Variants in TULP4 observed in about 807,000 individuals in gnomAD.
TULP4 encodes TUB like protein 4, also known as tubby-related protein 4.
A neutral mutation model predicts 129.0 loss-of-function variants in TULP4; 16 were observed. That is an observed-to-expected ratio of 0.12 (90% CI 0.08 to 0.19). The LOEUF (loss-of-function observed/expected upper bound fraction) is 0.19, where lower values mean the gene tolerates loss of function less well. Ranked by LOEUF, TULP4 falls within the 10% of genes least tolerant of loss-of-function variation. TULP4 has a pLI of 1.00. For synonymous variants in TULP4, 998 were observed against 854.0 expected (o/e 1.17, Z -2.94); for missense variants, 1,842 against 2,059.1 (o/e 0.89, Z 2.04).
At chr6:158,478,624 G>A (rs1368215155) in intron 6 of TULP4, among the ~76,000 whole-genome samples, 1 of 152,102 alleles carries the variant, frequency 6.6e-6, no homozygotes, top group Non-Finnish European at 1.5e-5. Flanking sequence ...CCCTCCCCTG[G>A]GGACTGTGGC....
chr6:158,351,479 TG>T lies in TULP4; in HGVS notation c.252+37212del, dbSNP rs1239068190. 2.0e-5 allele frequency among the ~76,000 whole-genome samples: 3 copies of T among 152,186 alleles called. No homozygotes were observed. The East Asian group carries it at 5.8e-4, about 29-fold the overall frequency. On this transcript the variant is annotated intron_variant, in intron 1 of 13. Transcript: ENST00000367097. ...ATAAGGCTTGTTGTTAAATTAAAAT[TG>T]TATTGCCTGTTTACAAGTGATAGTT...
intron 8 of TULP4, among the ~76,000 whole-genome samples, chr6:158,484,595 T>A (rs1435611203): frequency 6.6e-6 from 1 of 152,040 alleles, no homozygotes; most frequent in Non-Finnish European, 1.5e-5. Context: ...TATAGGTGGA[T>A]CCTGATCTGA....
intron 6 of TULP4, among the ~76,000 whole-genome samples, chr6:158,465,593 G>A (rs1779538708): frequency 6.6e-6 from 1 of 152,134 alleles, no homozygotes; most frequent in Non-Finnish European, 1.5e-5. Context: ...ATAGCAGCTT[G>A]TTAACAGAAA....
intron 1 of TULP4, among the ~76,000 whole-genome samples, chr6:158,401,859 T>G (rs1046067360): frequency 6.6e-6 from 1 of 152,108 alleles, no homozygotes; most frequent in African/African-American, 2.4e-5. Flanking sequence ...TAATTTTGAG[T>G]GATCATTGGT....
intron 1 of TULP4, among the ~76,000 whole-genome samples, chr6:158,250,244 G>T (rs971517965): frequency 1.3e-5 from 2 of 151,172 alleles, no homozygotes; most frequent in African/African-American, 2.4e-5. Context: ...TGCAGCCTCC[G>T]CCTCCCGAGT....
At chr6:158,385,100 A>G (rs756017844) in intron 1 of TULP4, among the ~76,000 whole-genome samples, 6 of 152,180 alleles carry the variant, frequency 3.9e-5, no homozygotes, top group Non-Finnish European at 7.3e-5. Flanking sequence ...GATGCCGTGA[A>G]TGTAGGTTCC....
intron 2 of TULP4, among the ~76,000 whole-genome samples, chr6:158,416,202 A>AG (rs1047249095): frequency 7.9e-5 from 12 of 152,218 alleles, no homozygotes; most frequent in East Asian, 7.7e-4. Context: ...ACCCAGATTG[A>AG]GGGGGGGTCT....
At chr6:158,382,839 A>T (rs1411135520) in intron 1 of TULP4, among the ~76,000 whole-genome samples, 1 of 152,188 alleles carries the variant, frequency 6.6e-6, no homozygotes, top group Non-Finnish European at 1.5e-5. Flanking sequence ...CATTTATTTG[A>T]GAAATTTAGT....
intron 1 of TULP4, among the ~76,000 whole-genome samples, chr6:158,408,145 A>G (rs921528085): frequency 6.6e-6 from 1 of 152,200 alleles, no homozygotes; most frequent in African/African-American, 2.4e-5. Context: ...CATTTGTGTG[A>G]CGGAGCGCAG....
At chr6:158,418,548 T>A (rs571522699) in intron 2 of TULP4, among the ~76,000 whole-genome samples, 1 of 152,130 alleles carries the variant, frequency 6.6e-6, no homozygotes, top group South Asian at 2.1e-4. Context: ...CAAGAGGATC[T>A]CTTGTGACCA....
rs35396796 is a variant in TULP4 at position 158,508,878 on chromosome 6, GTTTTTTTTTTTTTTT to G, written c.*2197_*2211del. 2.2e-4 allele frequency: 17 copies of G among 77,732 alleles called. No homozygotes were observed. Among genetic ancestry groups the G allele is most frequent in the African/African-American group, 9.6e-4 (17 of 17,720 alleles). 4.8% of individuals were successfully genotyped at this position (77,732 alleles called of 1,614,324 possible). A position where few individuals can be genotyped will look rare whatever the true frequency, so the allele number is the denominator to read the frequency against. ...AGAAATAAAGAGGATATGATAGAAGGTTTTTTTTTTTTTTTTTTTTTTTTTTTGAGACGGAGTCCC... is the reference window on the plus strand; with the variant it reads ...AGAAATAAAGAGGATATGATAGAAGGTTTTTTTTTTTTGAGACGGAGTCCC... On this transcript the variant is annotated 3_prime_UTR_variant, in exon 14 of 14. Transcript: ENST00000367097.
intron 9 of TULP4, among the ~76,000 whole-genome samples, chr6:158,492,350 A>T (rs193082239): frequency 7.9e-5 from 12 of 152,196 alleles, no homozygotes; most frequent in African/African-American, 2.7e-4. Context: ...ATGCTTATGG[A>T]TTAATTTTTG....
At chr6:158,240,594 G>A (rs1364215712) in intron 1 of TULP4, among the ~76,000 whole-genome samples, 6 of 100,056 alleles carry the variant, frequency 6.0e-5, no homozygotes, top group African/African-American at 1.3e-4. Flanking sequence ...CAGTAGGGGC[G>A]GCCGGGCAGA....
intron 5 of TULP4, among the ~76,000 whole-genome samples, chr6:158,452,750 A>C (rs546254609): frequency 1.3e-5 from 2 of 152,364 alleles, no homozygotes; most frequent in South Asian, 4.1e-4. Context: ...TTCTGCAATT[A>C]CTAGACTGAG....
intron 2 of TULP4, among the ~76,000 whole-genome samples, chr6:158,426,613 T>G (rs1054665765): frequency 1.3e-5 from 2 of 152,228 alleles, no homozygotes; most frequent in Admixed American, 1.3e-4. Flanking sequence ...GCTGTTTTGG[T>G]TACTGTAGCC....
intron 1 of TULP4, among the ~76,000 whole-genome samples, chr6:158,283,104 A>G (rs1778785085): frequency 6.6e-6 from 1 of 151,150 alleles, no homozygotes; most frequent in South Asian, 2.1e-4. Context: ...CCACCACTGC[A>G]CTGCAGCCTG....
chr6:158,363,277 G>T (rs1780843014), intron 1 of TULP4, among the ~76,000 whole-genome samples: 1 of 152,112 alleles, frequency 6.6e-6, no homozygotes, highest in Non-Finnish European at 1.5e-5. Flanking sequence ...AGATGTGGAG[G>T]TTGAGATGAC....
At chr6:158,469,276 T>C (rs564099884) in intron 6 of TULP4, among the ~76,000 whole-genome samples, 1 of 147,038 alleles carries the variant, frequency 6.8e-6, no homozygotes, top group African/African-American at 2.5e-5. Context: ...AAACAGACCT[T>C]TTTTTTTTTT....
intron 1 of TULP4, among the ~76,000 whole-genome samples, chr6:158,337,128 CTTTTTTTTTTT>C (rs34480077): frequency 1.4e-5 from 1 of 73,852 alleles, no homozygotes; most frequent in Non-Finnish European, 2.3e-5. Context: ...CTTTCTTTCT[CTTTTTTTTTTT>C]TTTTTTTTTT....
Sources: allele counts gnomAD v4.1 joint callset (sites outside exome capture counted in the v4.1 genomes callset), GRCh38; gene constraint gnomAD v4.1.1; transcripts MANE v1.5; gene names NCBI Gene and HGNC (gene_info 2026-07-23, HGNC 2026-07-21).